NOL4: variants seen among roughly 807,000 people sequenced by gnomAD.
NOL4 encodes cancer/testis antigen 125.
A neutral mutation model predicts 75.9 loss-of-function variants in NOL4; 17 were observed. The observed-to-expected ratio is 0.22, with a 90% CI of 0.15 to 0.34. NOL4 has a LOEUF of 0.34. Among genes scored for constraint, NOL4 ranks in the 10% least tolerant of loss-of-function variants. NOL4 has a pLI of 1.00. For synonymous variants in NOL4, 292 were observed against 289.9 expected (o/e 1.01, Z -0.07); for missense variants, 614 against 793.5 (o/e 0.77, Z 2.72).
intron 6 of NOL4, among the ~76,000 whole-genome samples, chr18:33,980,999 C>A (rs868232809): frequency 6.6e-6 from 1 of 151,504 alleles, no homozygotes; most frequent in Non-Finnish European, 1.5e-5. Context: ...GATAGAAATT[C>A]TGGGATAGAA....
At position 33,945,417 on chromosome 18, in the gene NOL4, T is replaced by A. The variant is rs1317702278; in HGVS notation, c.1429-2239A>T. Among the ~76,000 whole-genome samples, 3 of 151,846 alleles carry A rather than the reference T, an allele frequency of 2.0e-5. No homozygotes were observed. In the Admixed American group the frequency reaches 2.0e-4, roughly 10 times the overall value. On this transcript the variant is annotated intron_variant, in intron 8 of 10. Coordinates refer to ENST00000261592, the MANE Select transcript of NOL4 (RefSeq NM_003787.5). ...GTAAGTAAAATACCCCTTCAATTAA[T>A]ATTATTTCATGGCATTTTCTTTCAA...
intron 10 of NOL4, among the ~76,000 whole-genome samples, chr18:33,879,271 T>A (rs74464766): frequency 0.033 from 5,066 of 152,170 alleles, 259 homozygotes; most frequent in African/African-American, 0.11. Context: ...AAACTTTTTT[T>A]AAAAAGTTAT....
chr18:33,949,992 T>G (rs1252005250), intron 8 of NOL4, among the ~76,000 whole-genome samples: 9 of 151,762 alleles, frequency 5.9e-5, no homozygotes, highest in African/African-American at 2.2e-4. Flanking sequence ...TAAAATATAT[T>G]TTGTATATAC....
In NOL4 at chr18:33,959,958, C is replaced by T. The variant is rs77063720; in HGVS notation, c.1057-1540G>A. The stretch of plus-strand genomic sequence containing the variant: ...CTAAGTGTGTGTGTGTGTGTGTGTG[C>T]GTGTATGCACATGTGTGTATAATTG... On this transcript the variant is annotated intron_variant, in intron 6 of 10. Transcript: ENST00000261592. Among the ~76,000 whole-genome samples the T allele has an allele frequency of 1.0e-4, 15 of 147,850 alleles. No individual in the cohort carries two copies. The East Asian group carries it at 2.9e-3, about 29-fold the overall frequency.
intron 1 of NOL4, among the ~76,000 whole-genome samples, chr18:34,131,030 G>T (rs2080619768): frequency 6.6e-6 from 1 of 150,788 alleles, no homozygotes; most frequent in Non-Finnish European, 1.5e-5. Context: ...AGGGCTTCCT[G>T]CTTGCAAACA....
At chr18:33,911,679 G>T (rs1360087173) in intron 9 of NOL4, among the ~76,000 whole-genome samples, 3 of 151,982 alleles carry the variant, frequency 2.0e-5, no homozygotes, top group Admixed American at 6.6e-5. Context: ...TCTTGCTTCT[G>T]ATATTTAAGT....
intron 2 of NOL4, 127 bp from the exon 3 acceptor site, chr18:34,105,287 G>A: frequency 1.6e-6 from 1 of 639,142 alleles, no homozygotes; most frequent in Non-Finnish European, 2.8e-6. Flanking sequence ...ATGAAAGCAT[G>A]CATTGCATAC....
intron 5 of NOL4, among the ~76,000 whole-genome samples, chr18:34,070,089 T>TG (rs2077447058): frequency 6.6e-6 from 1 of 152,246 alleles, no homozygotes; most frequent in African/African-American, 2.4e-5. Flanking sequence ...TGGAGTGCAT[T>TG]GGCGCAATCC....
intron 5 of NOL4, among the ~76,000 whole-genome samples, chr18:34,091,346 G>C (rs1038920269): frequency 6.6e-6 from 1 of 152,068 alleles, no homozygotes; most frequent in African/African-American, 2.4e-5. Flanking sequence ...CTGGGCAACA[G>C]AGCAAGACTC....
chr18:33,858,436 T>C (rs2062934302), intron 10 of NOL4, among the ~76,000 whole-genome samples: 1 of 151,950 alleles, frequency 6.6e-6, no homozygotes, highest in Non-Finnish European at 1.5e-5. Context: ...CTAAGTTAGC[T>C]AATATAGATA....
intron 5 of NOL4, among the ~76,000 whole-genome samples, chr18:34,057,969 A>C (rs1204962980): frequency 6.6e-6 from 1 of 152,096 alleles, no homozygotes; most frequent in African/African-American, 2.4e-5. Context: ...TCAGCTGTTG[A>C]TAATTTTCCA....
At chr18:34,013,502 G>C (rs1228086450) in intron 6 of NOL4, among the ~76,000 whole-genome samples, 1 of 151,950 alleles carries the variant, frequency 6.6e-6, no homozygotes, top group East Asian at 1.9e-4. Context: ...AGCTTCAAAA[G>C]GATATTCAAA....
chr18:33,863,647 G>A (rs1357560885), intron 10 of NOL4, among the ~76,000 whole-genome samples: 1 of 152,114 alleles, frequency 6.6e-6, no homozygotes, highest in Non-Finnish European at 1.5e-5. Context: ...TCACAGCCTT[G>A]GGCAGCTCCC....
chr18:34,053,416 A>G (rs1208127222), intron 5 of NOL4, among the ~76,000 whole-genome samples: 2 of 151,980 alleles, frequency 1.3e-5, no homozygotes, highest in Admixed American at 6.6e-5. Flanking sequence ...CTCAGCTGGG[A>G]CAACCAGTAG....
chr18:33,998,550 G>T (rs2073458556), intron 6 of NOL4, among the ~76,000 whole-genome samples: 1 of 152,090 alleles, frequency 6.6e-6, no homozygotes, highest in Non-Finnish European at 1.5e-5. Context: ...TACATGATTT[G>T]TAGAGAAAAA....
At chr18:34,164,269 C>T (rs552657634) in intron 1 of NOL4, among the ~76,000 whole-genome samples, 8 of 152,012 alleles carry the variant, frequency 5.3e-5, no homozygotes, top group African/African-American at 1.7e-4. Flanking sequence ...AGAGCTTCTG[C>T]ACAGCAAAAG....
Position 34,049,475 on chromosome 18 carries a change from A to G in NOL4, c.773-29874T>C, listed in dbSNP as rs139992874. Among the ~76,000 whole-genome samples the G allele has an allele frequency of 2.5e-3, 384 of 152,072 alleles. 1 individual carries two copies. Among genetic ancestry groups the G allele is most frequent in the African/African-American group, 8.4e-3 (350 of 41,500 alleles). ...TGACTATTTTGAACATTGAACATTC[A>G]TTTTTCTTCAGAAACATTACTGCGA... On this transcript the variant is annotated intron_variant, in intron 5 of 10. Coordinates refer to ENST00000261592, the MANE Select transcript of NOL4 (RefSeq NM_003787.5).
chr18:34,222,326 G>T, intron 1 of NOL4: 1 of 1,297,326 alleles, frequency 7.7e-7, no homozygotes, highest in Non-Finnish European at 9.7e-7. Flanking sequence ...TGTGGAAGAG[G>T]GAAGTGAGGA....
chr18:33,921,688 C>T (rs2067048228), intron 9 of NOL4, among the ~76,000 whole-genome samples: 1 of 152,082 alleles, frequency 6.6e-6, no homozygotes, highest in African/African-American at 2.4e-5. Flanking sequence ...GAGCAGGGCC[C>T]TTCTAATACT....
Sources: allele counts gnomAD v4.1 joint callset (sites outside exome capture counted in the v4.1 genomes callset), GRCh38; gene constraint gnomAD v4.1.1; transcripts MANE v1.5; gene names NCBI Gene and HGNC (gene_info 2026-07-23, HGNC 2026-07-21).